The following AKAP13 variants were observed in gnomAD, a reference collection of about 807,000 sequenced individuals.
The protein encoded by AKAP13 is A-kinase anchoring protein 13.
Under a neutral mutation model 264.5 loss-of-function variants are expected in AKAP13, and 80 were observed. That is an observed-to-expected ratio of 0.30 (90% CI 0.25 to 0.36). The LOEUF is 0.36. Among genes scored for constraint, AKAP13 ranks in the 10% least tolerant of loss-of-function variants. The probability of loss-of-function intolerance (pLI) is 1.00; values close to 1 mark genes in which losing one functional copy is unlikely to be tolerated. For synonymous variants in AKAP13, 1,380 were observed against 1,250.2 expected, an observed-to-expected ratio of 1.10 and a Z score of -2.19; for missense variants, 3,712 against 3,435.2, an observed-to-expected ratio of 1.08 and a Z score of -2.01.
intron 8 of AKAP13, chr15:85,619,780 C>T: frequency 9.3e-7 from 1 of 1,077,288 alleles, no homozygotes; most frequent in Non-Finnish European, 1.1e-6. Flanking sequence ...GCTTCTCTTT[C>T]AGTCAAGATC....
chr15:85,399,523 T>TAAAAAAAA (rs1367253621), intron 1 of AKAP13, among the ~76,000 whole-genome samples: 16 of 78,006 alleles, frequency 2.1e-4, no homozygotes, highest in African/African-American at 4.3e-4. Flanking sequence ...AAAAAAAAAA[T>TAAAAAAAA]AAAAAAATAA....
chr15:85,564,814 G>A lies in AKAP13; in HGVS notation c.663-10317G>A, dbSNP rs557403287. On this transcript the variant is annotated intron_variant, in intron 5 of 36. Transcript: ENST00000394518. ...AATCCCAACAAATACTTGAGTAACT[G>A]TGTATGTCAAGAGATTGTGCTGAGT... Among the ~76,000 whole-genome samples the A allele has an allele frequency of 2.0e-5, 3 of 152,314 alleles. No homozygotes were observed. The East Asian group carries it at 5.8e-4, about 29-fold the overall frequency.
rs572667879 is a variant in AKAP13, at chr15:85,602,477, G to T, written c.4161+16654G>T. Reference sequence around the variant, plus strand: ...TGATGTGAGCCATTGTGCTGGGTCTGGTCTATCTCATATATATATATTTTT... The same window carrying T: ...TGATGTGAGCCATTGTGCTGGGTCTTGTCTATCTCATATATATATATTTTT... On this transcript the variant is annotated intron_variant, in intron 8 of 36. Coordinates refer to ENST00000394518, the MANE Select transcript of AKAP13 (RefSeq NM_007200.5). Among the ~76,000 whole-genome samples, 99 of 148,794 alleles carry T rather than the reference G, an allele frequency of 6.7e-4. 1 individual carries two copies. In the South Asian group the frequency reaches 0.018, roughly 27 times the overall value.
intron 1 of AKAP13, among the ~76,000 whole-genome samples, chr15:85,387,642 G>A (rs2070643125): frequency 6.6e-6 from 1 of 150,434 alleles, no homozygotes; most frequent in Admixed American, 6.6e-5. Flanking sequence ...GTTTTTGATT[G>A]GCATTGTGTT....
intron 1 of AKAP13, among the ~76,000 whole-genome samples, chr15:85,476,431 T>C (rs997857110): frequency 3.9e-5 from 6 of 152,250 alleles, no homozygotes; most frequent in Non-Finnish European, 4.4e-5. Flanking sequence ...AGAGATGTGG[T>C]AGCTGAATGT....
At position 85,606,934 on chromosome 15, in the gene AKAP13, G is replaced by A. The variant is rs147334078; in HGVS notation, c.4161+21111G>A. Reference sequence around the variant, plus strand: ...GTCACACTAGTATTTCAGCCTTCTGGGTGGGGATTGTTTCGGGGACATTTT... The same window carrying A: ...GTCACACTAGTATTTCAGCCTTCTGAGTGGGGATTGTTTCGGGGACATTTT... On this transcript the variant is annotated intron_variant, in intron 8 of 36. Coordinates refer to ENST00000394518, the MANE Select transcript of AKAP13 (RefSeq NM_007200.5). Among the ~76,000 whole-genome samples, 208 of 152,274 alleles carry A rather than the reference G, an allele frequency of 1.4e-3. 1 individual carries two copies. The highest frequency in any genetic ancestry group is 4.9e-3 in the African/African-American group (203 of 41,572).
chr15:85,733,911 C>T (rs1824146636), intron 30 of AKAP13, among the ~76,000 whole-genome samples: 2 of 106,046 alleles, frequency 1.9e-5, no homozygotes, highest in South Asian at 3.0e-4. Flanking sequence ...GAGTTTTGCT[C>T]CTGTTGCCCA....
chr15:85,627,204 C>T (rs1168179602), intron 8 of AKAP13, among the ~76,000 whole-genome samples: 1 of 152,172 alleles, frequency 6.6e-6, no homozygotes, highest in Non-Finnish European at 1.5e-5. Flanking sequence ...GCCTTTCTCT[C>T]AAGCTTCCGA....
chr15:85,723,951 T>C (rs1382087027), intron 26 of AKAP13, among the ~76,000 whole-genome samples: 1 of 152,232 alleles, frequency 6.6e-6, no homozygotes, highest in Admixed American at 6.5e-5. Flanking sequence ...TTAAAGAAGC[T>C]ATGAGGCTTG....
chr15:85,702,405 C>A (rs1597113933), intron 17 of AKAP13: 1 of 152,188 alleles, frequency 6.6e-6, no homozygotes, highest in African/African-American at 2.4e-5. Flanking sequence ...CATGTGTTAT[C>A]TTGGCAGGAA....
At chr15:85,435,806 C>T (rs1192676631) in intron 1 of AKAP13, among the ~76,000 whole-genome samples, 1 of 148,710 alleles carries the variant, frequency 6.7e-6, no homozygotes, top group Non-Finnish European at 1.5e-5. Flanking sequence ...TAAAAGAGCT[C>T]CTGAAGGAAG....
chr15:85,384,748 A>T (rs1164990083), intron 1 of AKAP13, among the ~76,000 whole-genome samples: 2 of 151,390 alleles, frequency 1.3e-5, no homozygotes, highest in Admixed American at 6.6e-5. Flanking sequence ...TGTTTCATGC[A>T]TCTGTCCTCA....
At chr15:85,592,185 T>C (rs1259736576) in intron 8 of AKAP13, among the ~76,000 whole-genome samples, 1 of 152,106 alleles carries the variant, frequency 6.6e-6, no homozygotes, top group Non-Finnish European at 1.5e-5. Context: ...CTTAGAATAT[T>C]GCCTGTTAAT....
chr15:85,640,922 C>G (rs1374494217), intron 9 of AKAP13, among the ~76,000 whole-genome samples: 2 of 152,122 alleles, frequency 1.3e-5, no homozygotes, highest in Admixed American at 6.5e-5. Context: ...TTCTGTAGAC[C>G]TACTGTACAC....
chr15:85,449,937 T>A (rs1298479103), intron 1 of AKAP13, among the ~76,000 whole-genome samples: 1 of 152,174 alleles, frequency 6.6e-6, no homozygotes, highest in Admixed American at 6.5e-5. Flanking sequence ...CCTCATAGAG[T>A]GAGTTGGGAG....
rs1262579730 is a variant in AKAP13, at chr15:85,442,545, T to C, written c.-11-43165T>C. 5.3e-5 allele frequency among the ~76,000 whole-genome samples: 7 copies of C among 132,146 alleles called. No homozygotes were observed. The Admixed American group carries it at 5.6e-4, about 11-fold the overall frequency. The allele number at this position is 132,146 out of a possible 152,430, so 86.7% of individuals were successfully genotyped here. The stretch of plus-strand genomic sequence containing the variant: ...TATATTATATATAATATATATTATA[T>C]ATATATTTATTTCTAGCATGAGAAT... On this transcript the variant is annotated intron_variant, in intron 1 of 36. Coordinates refer to ENST00000394518, the MANE Select transcript of AKAP13 (RefSeq NM_007200.5).
chr15:85,478,135 A>G (rs149237318), intron 1 of AKAP13, among the ~76,000 whole-genome samples: 12 of 152,354 alleles, frequency 7.9e-5, no homozygotes, highest in East Asian at 5.8e-4. Context: ...ATATCTGTTT[A>G]CATACATATG....
At chr15:85,593,155 C>A (rs1397270814) in intron 8 of AKAP13, among the ~76,000 whole-genome samples, 1 of 151,786 alleles carries the variant, frequency 6.6e-6, no homozygotes, top group African/African-American at 2.4e-5. Flanking sequence ...ACTAAAAATG[C>A]AAAAAAATTA....
intron 7 of AKAP13, among the ~76,000 whole-genome samples, chr15:85,583,565 G>A (rs145297956): frequency 1.0e-3 from 158 of 152,304 alleles, no homozygotes; most frequent in African/African-American, 3.7e-3. Flanking sequence ...TGGCAGGTTG[G>A]CATTTCAGAA....
Sources: gnomAD v4.1 joint callset for allele counts (sites outside exome capture counted in the v4.1 genomes callset) on GRCh38, gnomAD v4.1.1 for gene constraint, MANE v1.5 for transcripts, NCBI Gene and HGNC (gene_info 2026-07-23, HGNC 2026-07-21) for gene names.